The following NRG1 variants were observed in gnomAD, a reference collection of about 807,000 sequenced individuals.
NRG1 encodes the protein pro-neuregulin-1, membrane-bound isoform.
Under a neutral mutation model 63.8 loss-of-function variants are expected in NRG1, and 18 were observed. The observed-to-expected ratio is 0.28, with a 90% confidence interval of 0.19 to 0.42. The LOEUF (loss-of-function observed/expected upper bound fraction) is 0.42. Ranked by LOEUF, NRG1 falls within the 10% of genes least tolerant of loss-of-function variation. NRG1 has a pLI of 1.00. For synonymous variants in NRG1, 302 were observed against 301.3 expected (o/e 1.00, Z -0.02); for missense variants, 762 against 814.7 (o/e 0.94, Z 0.79).
intron 1 of NRG1, among the ~76,000 whole-genome samples, chr8:31,816,254 TG>T (rs765704999): frequency 1.6e-3 from 239 of 152,310 alleles, no homozygotes; most frequent in Non-Finnish European, 1.9e-3. Flanking sequence ...TGTGTGTCCC[TG>T]TTGTTGGGGG....
intron 1 of NRG1, among the ~76,000 whole-genome samples, chr8:32,072,663 G>A (rs1237429618): frequency 6.6e-6 from 1 of 151,970 alleles, no homozygotes; most frequent in Non-Finnish European, 1.5e-5. Flanking sequence ...TGGGTAGGAG[G>A]GCAAATAACA....
At chr8:31,976,073 G>C (rs1808110905) in intron 1 of NRG1, among the ~76,000 whole-genome samples, 1 of 152,070 alleles carries the variant, frequency 6.6e-6, no homozygotes. Flanking sequence ...GAATTAAATG[G>C]CTGTAAAGTG....
chr8:32,232,972 G>T (rs1847115916), intron 1 of NRG1, among the ~76,000 whole-genome samples: 1 of 152,006 alleles, frequency 6.6e-6, no homozygotes, highest in Non-Finnish European at 1.5e-5. Context: ...CTAATTCATG[G>T]TAGTTAATTT....
rs534676350 is a variant in NRG1, at chr8:32,009,928, C to G, written c.37+370497C>G. Among the ~76,000 whole-genome samples, 21 of 150,204 alleles carry G rather than the reference C, an allele frequency of 1.4e-4. 2 individuals carry two copies. The South Asian group carries it at 4.5e-3, about 32-fold the overall frequency. On this transcript the variant is annotated intron_variant, in intron 1 of 10. Transcript: ENST00000519301. ...CTGCCTACCCTCCCCACCCCACTCA[C>G]TTTTTGGGGTTCCTTTGTCAGCTGT...
intron 1 of NRG1, among the ~76,000 whole-genome samples, chr8:32,250,837 T>A (rs944231781): frequency 1.1e-4 from 16 of 152,038 alleles, no homozygotes; most frequent in Non-Finnish European, 2.4e-4. Context: ...CCAGAGATAG[T>A]CTGTAATGAA....
intron 5 of NRG1, among the ~76,000 whole-genome samples, chr8:32,643,804 TA>T (rs2129546155): frequency 6.6e-6 from 1 of 152,330 alleles, no homozygotes; most frequent in Non-Finnish European, 1.5e-5. Flanking sequence ...GGCAAAATTG[TA>T]GAAGTCTTAT....
At chr8:32,471,737 C>T (rs773197809) in intron 1 of NRG1, among the ~76,000 whole-genome samples, 11 of 152,094 alleles carry the variant, frequency 7.2e-5, no homozygotes, top group Non-Finnish European at 1.3e-4. Flanking sequence ...TGTACTTGTT[C>T]AGAGTCTATT....
rs10094340 is a variant in NRG1, at chr8:32,637,647, A to G, written c.502+20762A>G. Among the ~76,000 whole-genome samples the G allele has an allele frequency of 6.1e-3, 932 of 152,248 alleles. 11 individuals are homozygous for G. The highest frequency in any genetic ancestry group is 0.021 in the African/African-American group (890 of 41,552). On this transcript the variant is annotated intron_variant, in intron 5 of 11. Coordinates refer to ENST00000356819, the Ensembl canonical transcript of NRG1. ...TGACAGTCTTCTTTCCTGAGGATAC[A>G]TTGCCTTCCTATCCTCTGTAGTTTC...
At chr8:32,201,697 G>A (rs187365234) in intron 1 of NRG1, among the ~76,000 whole-genome samples, 1 of 152,282 alleles carries the variant, frequency 6.6e-6, no homozygotes, top group Admixed American at 6.5e-5. Context: ...TTATCAAGTT[G>A]TAAAAAGTAA....
At chr8:32,459,347 C>A (rs1037054886) in intron 1 of NRG1, among the ~76,000 whole-genome samples, 4 of 152,184 alleles carry the variant, frequency 2.6e-5, no homozygotes, top group Admixed American at 6.5e-5. Flanking sequence ...ATCTTTACTT[C>A]TTCTCCTTAG....
chr8:32,312,198 C>G (rs994829146), intron 1 of NRG1, among the ~76,000 whole-genome samples: 1 of 127,502 alleles, frequency 7.8e-6, no homozygotes, highest in Admixed American at 8.8e-5. Context: ...AGGAGTCTCA[C>G]TGTCTCCCAG....
intron 1 of NRG1, among the ~76,000 whole-genome samples, chr8:32,084,841 C>T (rs2131195300): frequency 6.6e-6 from 1 of 152,192 alleles, no homozygotes; most frequent in Admixed American, 6.5e-5. Flanking sequence ...AAGTCAAGGT[C>T]AACACAGGCT....
intron 5 of NRG1, among the ~76,000 whole-genome samples, chr8:32,664,627 G>A (rs1803684462): frequency 7.0e-6 from 1 of 142,076 alleles, no homozygotes; most frequent in South Asian, 2.1e-4. Context: ...GTGTAGAAAT[G>A]ATGATGATGA....
intron 1 of NRG1, among the ~76,000 whole-genome samples, chr8:31,819,886 T>C (rs1823837853): frequency 6.6e-6 from 1 of 152,194 alleles, no homozygotes; most frequent in South Asian, 2.1e-4. Flanking sequence ...AAATTCAAGA[T>C]GTTGTTGAAT....
In NRG1 at chr8:31,712,255, C is replaced by CTTTTTTTTTTTTTTTTTTTTT. The variant is rs57363109; in HGVS notation, c.37+72834_37+72854dup. Among the ~76,000 whole-genome samples, 21 of 72,352 alleles carry CTTTTTTTTTTTTTTTTTTTTT rather than the reference C, an allele frequency of 2.9e-4. 2 individuals carry two copies. The highest frequency in any genetic ancestry group is 3.5e-4 in the Non-Finnish European group (14 of 39,664). The allele number at this position is 72,352 out of a possible 152,430, so 47.5% of individuals were successfully genotyped here. ...TGACTTCCTGTTTCTTCTTCATGAT[C>CTTTTTTTTTTTTTTTTTTTTT]TTTTTTTTTTTTTTTTTTTTTTTTT... is the stretch of plus-strand genomic sequence containing the variant. On this transcript the variant is annotated intron_variant, in intron 1 of 10. Transcript: ENST00000519301.
chr8:32,122,773 G>T (rs977894074), intron 1 of NRG1, among the ~76,000 whole-genome samples: 1 of 146,002 alleles, frequency 6.8e-6, no homozygotes, highest in Non-Finnish European at 1.5e-5. Context: ...ATCCCTCCCC[G>T]CTCCCCCCAC....
chr8:32,260,043 T>G lies in NRG1; in HGVS notation c.38-335785T>G, dbSNP rs373071972. The stretch of plus-strand genomic sequence containing the variant: ...TAACTCATGTCATATTCATGTACAC[T>G]TCTCTGCCCCAACTTGATAAAATGA... On this transcript the variant is annotated intron_variant, in intron 1 of 10. Transcript: ENST00000519301. Among the ~76,000 whole-genome samples, 11 of 152,304 alleles carry G rather than the reference T, an allele frequency of 7.2e-5. No individual in the cohort carries two copies. The East Asian group carries it at 1.7e-3, about 24-fold the overall frequency.
At chr8:31,867,200 A>G (rs553030497) in intron 1 of NRG1, among the ~76,000 whole-genome samples, 29 of 152,288 alleles carry the variant, frequency 1.9e-4, no homozygotes, top group African/African-American at 6.5e-4. Context: ...GCCTGGGGGA[A>G]AAGATTGCTT....
intron 1 of NRG1, among the ~76,000 whole-genome samples, chr8:32,374,587 G>A (rs553169006): frequency 6.6e-6 from 1 of 152,234 alleles, no homozygotes; most frequent in African/African-American, 2.4e-5. Context: ...GGAAAACAGA[G>A]CAAAACCAAA....
Sources: gnomAD v4.1 joint callset for allele counts (sites outside exome capture counted in the v4.1 genomes callset) on GRCh38, gnomAD v4.1.1 for gene constraint, MANE v1.5 for transcripts, NCBI Gene and HGNC (gene_info 2026-07-23, HGNC 2026-07-21) for gene names.